Variants in FBN1 observed in about 807,000 individuals in gnomAD.
FBN1 encodes the protein fibrillin 1, also known as fibrillin-1.
A neutral mutation model predicts 365.1 loss-of-function variants in FBN1; 29 were observed. That is an observed-to-expected ratio of 0.08 (90% confidence interval 0.06 to 0.11). The LOEUF (loss-of-function observed/expected upper bound fraction) is 0.11. FBN1 is among the 10% of genes least tolerant of loss of function. The pLI, the probability that FBN1 is intolerant of heterozygous loss-of-function variation, is 1.00. For synonymous variants in FBN1, 1,210 were observed against 1,270.5 expected (o/e 0.95, Z 1.01); for missense variants, 2,476 against 3,703.2 (o/e 0.67, Z 8.60).
intron 32 of FBN1, among the ~76,000 whole-genome samples, chr15:48,481,287 T>A (rs2043462637): frequency 6.6e-6 from 1 of 152,154 alleles, no homozygotes; most frequent in Admixed American, 6.5e-5. Context: ...TTAAATGAAG[T>A]GTTGGCAAAG....
rs2043633796 is a variant in FBN1, at chr15:48,499,055, G to T, written c.2114-17C>A. Reference sequence around the variant, plus strand: ...GATATTCCGCTGCAATAAATTAACAGATAGTAAATGATTCCCTTGTTTGCA... The same window carrying T: ...GATATTCCGCTGCAATAAATTAACATATAGTAAATGATTCCCTTGTTTGCA... On this transcript the variant is annotated splice_polypyrimidine_tract_variant and intron_variant, in intron 17 of 65. Transcript: ENST00000316623. The T allele has an allele frequency of 6.2e-7, 1 of 1,613,188 alleles. No homozygotes were observed. The highest frequency in any genetic ancestry group is 8.5e-7 in the Non-Finnish European group (1 of 1,179,238).
At chr15:48,479,348 A>T (rs2043449686) in intron 32 of FBN1, among the ~76,000 whole-genome samples, 1 of 152,202 alleles carries the variant, frequency 6.6e-6, no homozygotes, top group Non-Finnish European at 1.5e-5. Context: ...TTACTTACCC[A>T]AGGAGAACAT....
chr15:48,627,726 T>C (rs1889911707), intron 2 of FBN1, among the ~76,000 whole-genome samples: 1 of 152,210 alleles, frequency 6.6e-6, no homozygotes, highest in Non-Finnish European at 1.5e-5. Context: ...GTGACTGTCC[T>C]CATTCCAATG....
chr15:48,497,336 G>T lies in FBN1; in HGVS notation c.2223C>A (p.Asn741Lys). Residue 741 changes from asparagine to lysine, a missense_variant, in exon 19 of 66, where the codon AAC (asparagine) becomes AAA (lysine). By Grantham distance (94) the Asn-to-Lys change is moderately conservative. Coordinates refer to ENST00000316623, the MANE Select transcript of FBN1 (RefSeq NM_000138.5). The part of the protein sequence containing the change: ...PDICPNGICE[N>K]LRGTYKCICN... ...ATATACATTTATAGGTCCCACGAAG[G>T]TTTTCACAGATTCCATTTGGGCAAA... 6.2e-7 allele frequency: 1 copy of T among 1,613,800 alleles called. No homozygotes were observed. Among genetic ancestry groups the T allele is most frequent in the Non-Finnish European group, 8.5e-7 (1 of 1,179,848 alleles).
At chr15:48,429,031 A>G (rs2141230637) in intron 56 of FBN1, among the ~76,000 whole-genome samples, 1 of 152,348 alleles carries the variant, frequency 6.6e-6, no homozygotes, top group South Asian at 2.1e-4. Context: ...GTGTGTGTGC[A>G]CTTCAGATCT....
Position 48,409,498 on chromosome 15 carries a change from A to C in FBN1, c.*1492T>G, listed in dbSNP as rs2042843678. On this transcript the variant is annotated 3_prime_UTR_variant, in exon 66 of 66. Coordinates refer to ENST00000316623, the MANE Select transcript of FBN1 (RefSeq NM_000138.5). Reference sequence around the variant, plus strand: ...CCTTAGGGATTTAAAAAATTATTTCATATCGACGGATTGAGCCTAACAGCT... The same window carrying C: ...CCTTAGGGATTTAAAAAATTATTTCCTATCGACGGATTGAGCCTAACAGCT... 6.6e-6 allele frequency: 1 copy of C among 152,238 alleles called. No individual in the cohort carries two copies. 9.4% of individuals were successfully genotyped at this position (152,238 alleles called of 1,614,324 possible).
chr15:48,465,852 T>A lies in FBN1; in HGVS notation c.4754A>T (p.Tyr1585Phe). 1 of 1,612,258 alleles carries A rather than the reference T, an allele frequency of 6.2e-7. No individual in the cohort carries two copies. Among genetic ancestry groups the A allele is most frequent in the Non-Finnish European group, 8.5e-7 (1 of 1,178,372 alleles). The stretch of plus-strand genomic sequence containing the variant: ...TTCCCCTCCAGGACAAAGAATTTTG[T>A]ACTCGGCTATTGAAACAAAAATTCA... ...EMCPAVNTSE[Y>F]KILCPGGEGF... The change falls in exon 39 of 66, where the codon TAC (tyrosine) becomes TTC (phenylalanine). Residue 1585 changes from tyrosine (Y) to phenylalanine (F), a missense_variant. Around this residue, in one of 5 missense-constraint regions of FBN1, gnomAD observed 1,780 missense variants for 2,840.8 expected, o/e 0.63. Coordinates refer to ENST00000316623, the MANE Select transcript of FBN1 (RefSeq NM_000138.5).
chr15:48,445,257 A>T, intron 48 of FBN1, 119 bp downstream of exon 48: 1 of 998,082 alleles, frequency 1.0e-6, no homozygotes, highest in Non-Finnish European at 1.6e-6. Flanking sequence ...GGATTAATAT[A>T]ATTCTACTCT....
At chr15:48,492,438 A>T in intron 24 of FBN1, 23 bp downstream of exon 24, 2 of 1,607,258 alleles carry the variant, frequency 1.2e-6, no homozygotes, top group Non-Finnish European at 1.7e-6. Flanking sequence ...TATTATTAGA[A>T]AAATAATGAG....
In FBN1 at chr15:48,495,418, G is replaced by A. The variant is rs771600267; in HGVS notation, c.2539+51C>T. The stretch of plus-strand genomic sequence containing the variant: ...CTTTTGCAGGAAAAGCTGACATTAA[G>A]TATAACAACATTGATAAACATAGAA... On this transcript the variant is annotated intron_variant, in intron 21 of 65. Transcript: ENST00000316623. The A allele has an allele frequency of 5.0e-6, 8 of 1,606,648 alleles. No individual in the cohort carries two copies. In the South Asian group the frequency reaches 7.8e-5, roughly 16 times the overall value.
intron 2 of FBN1, among the ~76,000 whole-genome samples, chr15:48,614,286 AG>A (rs1269571884): frequency 1.3e-5 from 2 of 152,250 alleles, no homozygotes; most frequent in Non-Finnish European, 2.9e-5. Context: ...GCAATTCCAA[AG>A]CTTACTGGTA....
chr15:48,462,420 C>T (rs1351459966), intron 42 of FBN1, among the ~76,000 whole-genome samples: 5 of 152,036 alleles, frequency 3.3e-5, no homozygotes, highest in African/African-American at 1.2e-4. Flanking sequence ...AAATTTATCT[C>T]GATCTCAATA....
chr15:48,578,888 GGA>G lies in FBN1; in HGVS notation c.538+17393_538+17394del, dbSNP rs1328870281. On this transcript the variant is annotated intron_variant, in intron 6 of 65. Coordinates refer to ENST00000316623, the MANE Select transcript of FBN1 (RefSeq NM_000138.5). Reference sequence around the variant, plus strand: ...GGGGGAGGGGGGAGGGATAGCATTGGGAGATATACCTAATGCTAGATGACGAG... The same window carrying G: ...GGGGGAGGGGGGAGGGATAGCATTGGGATATACCTAATGCTAGATGACGAG... 3.8e-4 allele frequency among the ~76,000 whole-genome samples: 55 copies of G among 143,998 alleles called. 1 individual carries two copies. The highest frequency in any genetic ancestry group is 1.2e-4 in the Non-Finnish European group (8 of 65,694). 94.5% of individuals were successfully genotyped at this position (143,998 alleles called of 152,430 possible).
At chr15:48,550,419 C>T (rs944140178) in intron 6 of FBN1, among the ~76,000 whole-genome samples, 1 of 152,142 alleles carries the variant, frequency 6.6e-6, no homozygotes, top group East Asian at 1.9e-4. Flanking sequence ...CAGAGTATCC[C>T]TCACACCCCC....
At chr15:48,548,187 A>C (rs1242834731) in intron 6 of FBN1, among the ~76,000 whole-genome samples, 1 of 152,142 alleles carries the variant, frequency 6.6e-6, no homozygotes, top group Non-Finnish European at 1.5e-5. Flanking sequence ...CATTTTTCAG[A>C]CCTGCTAAGT....
intron 47 of FBN1, among the ~76,000 whole-genome samples, chr15:48,445,862 T>C (rs16960953): frequency 0.066 from 10,080 of 152,158 alleles, 1,026 homozygotes; most frequent in African/African-American, 0.22. Context: ...GGCATTCCTT[T>C]GTATTCTTGC....
chr15:48,520,998 T>G (rs1470351324), intron 9 of FBN1, among the ~76,000 whole-genome samples, 181 bp from the exon 10 acceptor site: 1 of 152,234 alleles, frequency 6.6e-6, no homozygotes, highest in Non-Finnish European at 1.5e-5. Flanking sequence ...CAGAAATCCC[T>G]GGTCTCACAC....
intron 2 of FBN1, chr15:48,644,158 TG>T (rs1455456028): frequency 1.7e-5 from 3 of 177,918 alleles, no homozygotes; most frequent in Non-Finnish European, 3.6e-5. Context: ...AACTACTGTG[TG>T]ATTTCTCCTC....
intron 7 of FBN1, 130 bp downstream of exon 7, chr15:48,537,481 T>C: frequency 9.3e-7 from 1 of 1,073,554 alleles, no homozygotes; most frequent in South Asian, 1.4e-5. Flanking sequence ...TAGTTGGATA[T>C]CATGCAGTCA....
Sources: gnomAD v4.1 joint callset for allele counts (sites outside exome capture counted in the v4.1 genomes callset) on GRCh38, gnomAD v4.1.1 for gene constraint, gnomAD v4.1.1 regional missense constraint, MANE v1.5 for transcripts, NCBI Gene and HGNC (gene_info 2026-07-23, HGNC 2026-07-21) for gene names.